GABRG3: variants seen among roughly 807,000 people sequenced by gnomAD.
GABRG3 encodes gamma-aminobutyric acid receptor subunit gamma-3.
A neutral mutation model predicts 48.8 loss-of-function variants in GABRG3; 25 were observed. The observed-to-expected ratio is 0.51, with a 90% confidence interval of 0.37 to 0.72. The LOEUF (loss-of-function observed/expected upper bound fraction) is 0.72, where lower values mean the gene tolerates loss of function less well. Ranked by LOEUF, GABRG3 falls within the 30% of genes least tolerant of loss-of-function variation. The pLI is 0.00. For missense variants in GABRG3, 394 were observed against 577.9 expected (o/e 0.68, Z 3.26); for synonymous variants, 227 against 217.6 (o/e 1.04, Z -0.38).
intron 6 of GABRG3, among the ~76,000 whole-genome samples, chr15:27,518,486 T>C (rs569219966): frequency 6.6e-6 from 1 of 152,284 alleles, no homozygotes; most frequent in South Asian, 2.1e-4. Flanking sequence ...AACCAACCAG[T>C]TTATTGGTTT....
At position 27,327,413 on chromosome 15, in the gene GABRG3, T is replaced by C. The variant is rs140348843; in HGVS notation, c.491+384T>C. Among the ~76,000 whole-genome samples, 570 of 152,130 alleles carry C rather than the reference T, an allele frequency of 3.7e-3. 3 individuals carry two copies. The highest frequency in any genetic ancestry group is 0.013 in the African/African-American group (541 of 41,498). On this transcript the variant is annotated intron_variant, in intron 4 of 9. Transcript: ENST00000615808. ...CAGAGTCAGCCCCTTTCCCAGCACA[T>C]CCCTAAGGGAAGTGGCAGCTCCCCT...
At chr15:27,336,255 A>AAG (rs1555372748) in intron 5 of GABRG3, among the ~76,000 whole-genome samples, 21 of 149,908 alleles carry the variant, frequency 1.4e-4, no homozygotes, top group African/African-American at 5.3e-4. Context: ...GAAAGAAAGA[A>AAG]AAAGAAAGAA....
At chr15:27,097,000 C>G (rs1241057070) in intron 3 of GABRG3, among the ~76,000 whole-genome samples, 1 of 138,756 alleles carries the variant, frequency 7.2e-6, no homozygotes, top group East Asian at 2.2e-4. Context: ...GCCACCATAC[C>G]CGGCTATTTT....
chr15:27,066,786 A>G (rs957278042), intron 3 of GABRG3, among the ~76,000 whole-genome samples: 1 of 152,162 alleles, frequency 6.6e-6, no homozygotes, highest in Non-Finnish European at 1.5e-5. Flanking sequence ...TTCCAGAATA[A>G]TCCCTTTCCT....
chr15:27,056,915 G>A (rs1896558568), intron 3 of GABRG3, among the ~76,000 whole-genome samples: 1 of 152,146 alleles, frequency 6.6e-6, no homozygotes, highest in African/African-American at 2.4e-5. Context: ...GTTCCTCTGT[G>A]TGCAGTGTGT....
In GABRG3 at chr15:27,109,353, A is replaced by G. The variant is rs976707536; in HGVS notation, c.270+82532A>G. Among the ~76,000 whole-genome samples the G allele has an allele frequency of 2.0e-5, 3 of 152,162 alleles. No individual in the cohort carries two copies. The South Asian group carries it at 6.2e-4, about 31-fold the overall frequency. ...TAATGCATTTTGTTAACTTAAGTTTATAGTTTACCTTAGGGTTCACTCTGT... is the reference window on the plus strand; with the variant it reads ...TAATGCATTTTGTTAACTTAAGTTTGTAGTTTACCTTAGGGTTCACTCTGT... On this transcript the variant is annotated intron_variant, in intron 3 of 9. Transcript: ENST00000615808.
intron 5 of GABRG3, among the ~76,000 whole-genome samples, chr15:27,408,558 C>T (rs977077027): frequency 7.9e-5 from 12 of 152,030 alleles, no homozygotes; most frequent in Admixed American, 1.3e-4. Context: ...AAGCAAACCC[C>T]GGGACCAAAG....
rs529896821 is a variant in GABRG3, at chr15:26,998,750, A to C, written c.202+21600A>C. Among the ~76,000 whole-genome samples, 3 of 152,270 alleles carry C rather than the reference A, an allele frequency of 2.0e-5. No homozygotes were observed. The South Asian group carries it at 6.2e-4, about 32-fold the overall frequency. On this transcript the variant is annotated intron_variant, in intron 2 of 9. Transcript: ENST00000615808. ...AGAAATGGGAGGCTTTGCTGTGTTG[A>C]CCTAACTTACCCAGCATAGAGTATC...
chr15:27,287,224 T>C (rs1249664567), intron 3 of GABRG3, among the ~76,000 whole-genome samples: 1 of 152,114 alleles, frequency 6.6e-6, no homozygotes, highest in Non-Finnish European at 1.5e-5. Context: ...GGAAGAATTA[T>C]TATTCAGAAA....
intron 3 of GABRG3, among the ~76,000 whole-genome samples, chr15:27,189,166 C>T (rs1030530402): frequency 6.6e-6 from 1 of 151,702 alleles, no homozygotes; most frequent in African/African-American, 2.4e-5. Context: ...TAGCATGATG[C>T]CTCCAGCTTT....
chr15:27,078,904 C>T (rs1018696895), intron 3 of GABRG3, among the ~76,000 whole-genome samples: 4 of 152,192 alleles, frequency 2.6e-5, no homozygotes, highest in Admixed American at 2.6e-4. Context: ...TGAGGTCACA[C>T]AGGACTAGTA....
intron 3 of GABRG3, among the ~76,000 whole-genome samples, chr15:27,054,795 G>A (rs1896513852): frequency 1.3e-5 from 2 of 152,146 alleles, no homozygotes; most frequent in African/African-American, 4.8e-5. Context: ...GGGAGGAACA[G>A]CTGCTGTGCA....
chr15:27,527,940 A>G lies in GABRG3; in HGVS notation c.1070A>G (p.His357Arg). 9 of 1,586,444 alleles carry G rather than the reference A, an allele frequency of 5.7e-6. No individual in the cohort carries two copies. The highest frequency in any genetic ancestry group is 7.7e-6 in the Non-Finnish European group (9 of 1,164,232). Residue 357 changes from histidine to arginine, a missense_variant, in exon 9 of 10, where the codon CAT becomes CGT. Coordinates refer to ENST00000615808, the MANE Select transcript of GABRG3 (RefSeq NM_033223.5). ...TTTKKTTSLL[H>R]PDSSRWIPER... ...TTTCTTCTTTTCTTGTAGTTACTAC[A>G]TCCAGATTCCTCAAGATGGATTCCT...
At position 27,353,327 on chromosome 15, in the gene GABRG3, A is replaced by G. The variant is rs558652991; in HGVS notation, c.574+24439A>G. On this transcript the variant is annotated intron_variant, in intron 5 of 9. Coordinates refer to ENST00000615808, the MANE Select transcript of GABRG3 (RefSeq NM_033223.5). ...CAGCCACAGGGCGCATGTGTGTCCTACACTTGCTGGGCATGCCTGCCTCAG... is the reference window on the plus strand; with the variant it reads ...CAGCCACAGGGCGCATGTGTGTCCTGCACTTGCTGGGCATGCCTGCCTCAG... Among the ~76,000 whole-genome samples, 150 of 152,258 alleles carry G rather than the reference A, an allele frequency of 9.9e-4. 2 individuals are homozygous for G. In the Middle Eastern group the frequency reaches 0.01, roughly 10 times the overall value.
intron 5 of GABRG3, among the ~76,000 whole-genome samples, chr15:27,444,952 A>G (rs1888899612): frequency 6.6e-6 from 1 of 151,998 alleles, no homozygotes; most frequent in Non-Finnish European, 1.5e-5. Context: ...GCTCACTGCA[A>G]CCTCCACCTC....
chr15:27,349,290 A>G (rs1894478280), intron 5 of GABRG3, among the ~76,000 whole-genome samples: 1 of 152,176 alleles, frequency 6.6e-6, no homozygotes, highest in Non-Finnish European at 1.5e-5. Flanking sequence ...GGGCTTGTAA[A>G]GAAGAACACA....
intron 6 of GABRG3, among the ~76,000 whole-genome samples, chr15:27,496,268 G>A (rs1890484977): frequency 6.7e-6 from 1 of 149,940 alleles, no homozygotes; most frequent in Admixed American, 6.7e-5. Flanking sequence ...CAGAACAGTG[G>A]GCAAGCCTAG....
chr15:27,252,524 C>T (rs1260845243), intron 3 of GABRG3, among the ~76,000 whole-genome samples: 4 of 152,224 alleles, frequency 2.6e-5, no homozygotes, highest in African/African-American at 9.6e-5. Flanking sequence ...CCACCCCAGC[C>T]AGGGGATACT....
intron 5 of GABRG3, among the ~76,000 whole-genome samples, chr15:27,330,579 T>C (rs1047023607): frequency 2.0e-5 from 3 of 152,240 alleles, no homozygotes; most frequent in African/African-American, 7.2e-5. Flanking sequence ...TTTTAAGTGC[T>C]CAGTTCCAGG....
Sources: gnomAD v4.1 joint callset for allele counts (sites outside exome capture counted in the v4.1 genomes callset) on GRCh38, gnomAD v4.1.1 for gene constraint, MANE v1.5 for transcripts, NCBI Gene and HGNC (gene_info 2026-07-23, HGNC 2026-07-21) for gene names.